GRIA1: variants seen among roughly 807,000 people sequenced by gnomAD.
The protein encoded by GRIA1 is glutamate ionotropic receptor AMPA type subunit 1, also known as glutamate receptor 1.
In GRIA1, 31 loss-of-function variants were observed where a neutral mutation model predicts 99.2. The ratio of observed to expected loss-of-function variants is 0.31; its 90% CI spans 0.23 to 0.42. The LOEUF is 0.42. GRIA1 is among the 10% of genes least tolerant of loss of function. The probability of loss-of-function intolerance (pLI) is 1.00; values close to 1 mark genes in which losing one functional copy is unlikely to be tolerated. For synonymous variants in GRIA1, 438 were observed against 432.4 expected, an observed-to-expected ratio of 1.01 and a Z score of -0.16; for missense variants, 782 against 1,157.5, an observed-to-expected ratio of 0.68 and a Z score of 4.71.
intron 2 of GRIA1, among the ~76,000 whole-genome samples, chr5:153,610,154 A>T (rs1489533828): frequency 6.6e-6 from 1 of 152,160 alleles, no homozygotes; most frequent in Admixed American, 6.5e-5. Flanking sequence ...GTGATGTGAG[A>T]CCAGGACAGT....
chr5:153,735,283 G>A (rs6869815), intron 11 of GRIA1, among the ~76,000 whole-genome samples: 83,133 of 151,980 alleles, frequency 0.55, 23,849 homozygotes, highest in East Asian at 0.94. Flanking sequence ...GGCCGTGAGC[G>A]TCAGCAAGAC....
chr5:153,673,855 A>G (rs897670769), intron 5 of GRIA1, among the ~76,000 whole-genome samples: 6 of 152,192 alleles, frequency 3.9e-5, no homozygotes, highest in Non-Finnish European at 7.3e-5. Context: ...ACAATCCTTC[A>G]TGGTTGCTGG....
chr5:153,741,077 C>T (rs905257941), intron 11 of GRIA1, among the ~76,000 whole-genome samples: 9 of 149,976 alleles, frequency 6.0e-5, no homozygotes, highest in East Asian at 3.9e-4. Context: ...CCTAGGTTCA[C>T]GCCATTCTCC....
At chr5:153,683,015 G>T (rs116221039) in intron 7 of GRIA1, among the ~76,000 whole-genome samples, 4 of 152,168 alleles carry the variant, frequency 2.6e-5, no homozygotes, top group African/African-American at 4.8e-5. Context: ...AGTTGAGGGC[G>T]CCAGGATGGC....
At chr5:153,783,548 C>T (rs1764774862) in intron 13 of GRIA1, among the ~76,000 whole-genome samples, 1 of 152,212 alleles carries the variant, frequency 6.6e-6, no homozygotes, top group Admixed American at 6.5e-5. Context: ...AGATCCCTAT[C>T]CAGGTCTCTG....
At chr5:153,721,916 T>C (rs1429442538) in intron 11 of GRIA1, among the ~76,000 whole-genome samples, 2 of 152,230 alleles carry the variant, frequency 1.3e-5, no homozygotes, top group African/African-American at 4.8e-5. Flanking sequence ...TTTTCTATTG[T>C]AGATGCTACC....
intron 2 of GRIA1, among the ~76,000 whole-genome samples, chr5:153,608,579 A>C (rs1765658930): frequency 6.6e-6 from 1 of 152,182 alleles, no homozygotes; most frequent in African/African-American, 2.4e-5. Flanking sequence ...TCAATTTTGG[A>C]AAATTTTTCG....
chr5:153,808,090 T>C (rs1766561383), intron 15 of GRIA1, among the ~76,000 whole-genome samples: 1 of 152,238 alleles, frequency 6.6e-6, no homozygotes, highest in African/African-American at 2.4e-5. Flanking sequence ...TAAGCTTTGA[T>C]TAGGATATTC....
chr5:153,519,033 G>C (rs1398440890), intron 2 of GRIA1, among the ~76,000 whole-genome samples: 1 of 152,174 alleles, frequency 6.6e-6, no homozygotes, highest in Non-Finnish European at 1.5e-5. Context: ...GGGAGGCCGA[G>C]GTGGGCAGAT....
At chr5:153,737,348 T>A (rs1010286673) in intron 11 of GRIA1, among the ~76,000 whole-genome samples, 2 of 149,200 alleles carry the variant, frequency 1.3e-5, no homozygotes, top group African/African-American at 4.9e-5. Context: ...ATGAAACAAT[T>A]TGGAGCTCGG....
intron 11 of GRIA1, among the ~76,000 whole-genome samples, chr5:153,745,276 T>A (rs989263497): frequency 2.1e-5 from 3 of 143,598 alleles, no homozygotes; most frequent in Non-Finnish European, 4.5e-5. Context: ...ATGCCTCCCA[T>A]CAAGTTAGAA....
chr5:153,609,226 G>C (rs543513797), intron 2 of GRIA1, among the ~76,000 whole-genome samples: 2 of 152,038 alleles, frequency 1.3e-5, no homozygotes, highest in Non-Finnish European at 2.9e-5. Context: ...GTTACCTCCC[G>C]GGCTTCCTCC....
intron 11 of GRIA1, among the ~76,000 whole-genome samples, chr5:153,733,453 G>T (rs905862224): frequency 6.6e-6 from 1 of 151,992 alleles, no homozygotes; most frequent in African/African-American, 2.4e-5. Flanking sequence ...AAGAAAGAAA[G>T]GGACTACAAA....
chr5:153,629,568 T>C (rs1752782143), intron 2 of GRIA1, among the ~76,000 whole-genome samples: 1 of 152,226 alleles, frequency 6.6e-6, no homozygotes, highest in Non-Finnish European at 1.5e-5. Flanking sequence ...GTGACTAGGT[T>C]GAAGAGGATT....
At chr5:153,703,184 A>G (rs765777451) in intron 10 of GRIA1, among the ~76,000 whole-genome samples, 1 of 152,218 alleles carries the variant, frequency 6.6e-6, no homozygotes, top group Non-Finnish European at 1.5e-5. Flanking sequence ...TGAACTTAGC[A>G]TCTCCCAGTA....
chr5:153,490,651 G>T (rs1753828996), upstream of GRIA1: 3 of 571,106 alleles, frequency 5.3e-6, no homozygotes, highest in African/African-American at 3.8e-5. Context: ...CATGAGGACG[G>T]GCTTCTTTTC....
chr5:153,711,078 A>G (rs988095629), intron 11 of GRIA1, among the ~76,000 whole-genome samples: 5 of 152,182 alleles, frequency 3.3e-5, no homozygotes, highest in East Asian at 1.9e-4. Context: ...CTTACAGTGA[A>G]TCAAGAGAAC....
At chr5:153,683,965 A>G (rs1757169785) in intron 7 of GRIA1, among the ~76,000 whole-genome samples, 1 of 152,212 alleles carries the variant, frequency 6.6e-6, no homozygotes. Context: ...AAAACACTAC[A>G]TTGCACATTT....
chr5:153,731,473 A>T (rs547955411), intron 11 of GRIA1, among the ~76,000 whole-genome samples: 2 of 152,154 alleles, frequency 1.3e-5, no homozygotes, highest in South Asian at 4.2e-4. Flanking sequence ...TCCTGCCTTC[A>T]GGACTCCTGT....
Sources: allele counts gnomAD v4.1 joint callset (sites outside exome capture counted in the v4.1 genomes callset), GRCh38; gene constraint gnomAD v4.1.1; transcripts MANE v1.5; gene names NCBI Gene and HGNC (gene_info 2026-07-23, HGNC 2026-07-21).